Variants in LRP1B observed in about 807,000 individuals in gnomAD.
LRP1B encodes the protein LDL receptor related protein 1B.
A neutral mutation model predicts 556.6 loss-of-function variants in LRP1B; 217 were observed. The ratio of observed to expected loss-of-function variants is 0.39; its 90% CI spans 0.35 to 0.44. The LOEUF is 0.44. Ranked by LOEUF, LRP1B falls within the 20% of genes least tolerant of loss-of-function variation. The pLI, the probability that LRP1B is intolerant of heterozygous loss-of-function variation, is 1.00. For synonymous variants in LRP1B, 2,047 were observed against 1,865.8 expected (o/e 1.10, Z -2.50); for missense variants, 5,053 against 5,620.8 (o/e 0.90, Z 3.23).
chr2:140,833,627 A>T (rs79319690), intron 31 of LRP1B, among the ~76,000 whole-genome samples: 5,490 of 152,122 alleles, frequency 0.036, 255 homozygotes, highest in East Asian at 0.17. Flanking sequence ...TTTTCTTTAT[A>T]TGTCCTTTGG....
rs142947155 is a variant in LRP1B, at chr2:141,892,810, ATGAGAATT to A, written c.83-82417_83-82410del. On this transcript the variant is annotated intron_variant, in intron 1 of 90. Transcript: ENST00000389484. ...CCAGACGCTAAAAAGTTTAATAAAA[ATGAGAATT>A]TTACAGTTATGTTAAAGTTTTGAGA... 6.2e-3 allele frequency among the ~76,000 whole-genome samples: 950 copies of A among 152,280 alleles called. 6 individuals carry two copies. Among genetic ancestry groups the A allele is most frequent in the Middle Eastern group, 0.02 (6 of 294 alleles).
At chr2:140,622,814 C>T (rs1420211254) in intron 41 of LRP1B, among the ~76,000 whole-genome samples, 1 of 152,164 alleles carries the variant, frequency 6.6e-6, no homozygotes, top group Non-Finnish European at 1.5e-5. Context: ...TGTATTTGAT[C>T]GTGGCCCTAA....
At chr2:141,519,371 A>ATATATG (rs1170188725) in intron 2 of LRP1B, among the ~76,000 whole-genome samples, 1 of 18,026 alleles carries the variant, frequency 5.5e-5, no homozygotes, top group Non-Finnish European at 1.4e-4. Flanking sequence ...ATATATATAT[A>ATATATG]TATATATATA....
rs752629864 is a variant in LRP1B, at chr2:140,868,196, C to T, written c.4237G>A (p.Gly1413Arg). Residue 1413 changes from glycine to arginine, a missense_variant, in exon 26 of 91, where the codon GGG (glycine) becomes AGG (arginine). Around this residue, in one of 5 missense-constraint regions of LRP1B, gnomAD observed 3,619 missense variants for 3,931.9 expected, o/e 0.92. Transcript: ENST00000389484. ...ATGTCTTTATAGATGGTTTTTCTCC[C>T]AGCACCACTCATAGAGGCAGATTCA... ...RIESASMSGA[G>R]RKTIYKDMKT... is the part of the protein sequence containing the mutation. The T allele has an allele frequency of 2.5e-6, 4 of 1,609,688 alleles. No homozygotes were observed. In the South Asian group the frequency reaches 4.4e-5, roughly 18 times the overall value.
intron 1 of LRP1B, among the ~76,000 whole-genome samples, chr2:142,124,231 G>A (rs1707560940): frequency 1.3e-5 from 2 of 151,614 alleles, no homozygotes; most frequent in African/African-American, 2.4e-5. Context: ...GTTGAGACAT[G>A]ATTATTTCCA....
At chr2:141,960,442 T>C (rs189786577) in intron 1 of LRP1B, among the ~76,000 whole-genome samples, 1 of 152,004 alleles carries the variant, frequency 6.6e-6, no homozygotes, top group Admixed American at 6.6e-5. Context: ...TCAGGAAGGC[T>C]ATTCTCCTAA....
chr2:141,597,493 A>C (rs1285278244), intron 2 of LRP1B, among the ~76,000 whole-genome samples: 2 of 152,058 alleles, frequency 1.3e-5, no homozygotes, highest in Non-Finnish European at 2.9e-5. Flanking sequence ...TGGTCAACTC[A>C]TATTCTAAAC....
intron 3 of LRP1B, among the ~76,000 whole-genome samples, chr2:141,464,606 A>ATTTTTTT (rs71391651): frequency 0.011 from 1,006 of 90,518 alleles, 91 homozygotes; most frequent in African/African-American, 0.039. Flanking sequence ...ATATATATAT[A>ATTTTTTT]TTTTTTTAGT....
intron 1 of LRP1B, among the ~76,000 whole-genome samples, chr2:142,039,135 T>C (rs1448242478): frequency 6.6e-6 from 1 of 151,528 alleles, no homozygotes; most frequent in Non-Finnish European, 1.5e-5. Flanking sequence ...CAGCTCATCA[T>C]GAAAAGTGAG....
At chr2:141,512,627 A>C (rs1298197693) in intron 2 of LRP1B, among the ~76,000 whole-genome samples, 1 of 151,856 alleles carries the variant, frequency 6.6e-6, no homozygotes, top group Non-Finnish European at 1.5e-5. Context: ...TTTCATGTGA[A>C]CTCCTGTATT....
intron 7 of LRP1B, among the ~76,000 whole-genome samples, chr2:141,171,399 T>C (rs1414644366): frequency 6.6e-6 from 1 of 152,150 alleles, no homozygotes; most frequent in African/African-American, 2.4e-5. Flanking sequence ...TCTCTGTAGT[T>C]TTCCCTGTCC....
intron 3 of LRP1B, among the ~76,000 whole-genome samples, chr2:141,407,718 A>G (rs1690693782): frequency 6.6e-6 from 1 of 152,204 alleles, no homozygotes; most frequent in Non-Finnish European, 1.5e-5. Context: ...GAAACCAAGC[A>G]GATGCCAGCA....
intron 20 of LRP1B, among the ~76,000 whole-genome samples, chr2:140,928,476 T>A (rs1295600375): frequency 6.6e-6 from 1 of 152,090 alleles, no homozygotes; most frequent in African/African-American, 2.4e-5. Flanking sequence ...AACTTGAATG[T>A]TTGCAGTTGG....
chr2:141,395,616 A>G (rs1690214317), intron 3 of LRP1B, among the ~76,000 whole-genome samples: 1 of 152,130 alleles, frequency 6.6e-6, no homozygotes, highest in African/African-American at 2.4e-5. Flanking sequence ...TCCCAACAGA[A>G]TGTCATTAAT....
At chr2:140,666,301 TACACACACACAC>T (rs56905500) in intron 41 of LRP1B, among the ~76,000 whole-genome samples, 14 of 147,902 alleles carry the variant, frequency 9.5e-5, no homozygotes, top group East Asian at 2.1e-4. Flanking sequence ...CCATTTATTA[TACACACACACAC>T]ACACACACAC....
chr2:141,067,629 T>C (rs938996181), intron 7 of LRP1B, among the ~76,000 whole-genome samples: 2 of 151,962 alleles, frequency 1.3e-5, no homozygotes, highest in Non-Finnish European at 2.9e-5. Flanking sequence ...ACCTGCCCCA[T>C]TTAGTGTTTC....
At position 140,540,297 on chromosome 2, in the gene LRP1B, C is replaced by T. The variant is rs565803723; in HGVS notation, c.7513+676G>A. On this transcript the variant is annotated intron_variant, in intron 45 of 90. Coordinates refer to ENST00000389484, the MANE Select transcript of LRP1B (RefSeq NM_018557.3). ...TCTCTCCTACCTTATACATAAATTG[C>T]CTTAACGTTAAAAGGAAATTAACCT... is the stretch of plus-strand genomic sequence containing the variant. Among the ~76,000 whole-genome samples, 15 of 152,136 alleles carry T rather than the reference C, an allele frequency of 9.9e-5. No individual in the cohort carries two copies. In the South Asian group the frequency reaches 2.3e-3, roughly 23 times the overall value.
At chr2:141,418,547 G>A (rs578203365) in intron 3 of LRP1B, among the ~76,000 whole-genome samples, 3 of 151,498 alleles carry the variant, frequency 2.0e-5, no homozygotes, top group Non-Finnish European at 4.4e-5. Context: ...TTGAGTATGT[G>A]TGGGTTTATT....
chr2:140,453,760 A>G (rs1686973980), intron 62 of LRP1B, among the ~76,000 whole-genome samples: 1 of 152,154 alleles, frequency 6.6e-6, no homozygotes, highest in African/African-American at 2.4e-5. Flanking sequence ...TATGTTTTCA[A>G]TCCTAATAGA....
Sources: allele counts gnomAD v4.1 joint callset (sites outside exome capture counted in the v4.1 genomes callset), GRCh38; gene constraint gnomAD v4.1.1; regional missense constraint gnomAD v4.1.1; transcripts MANE v1.5; gene names NCBI Gene and HGNC (gene_info 2026-07-23, HGNC 2026-07-21).